GOLGA4: variants seen among roughly 807,000 people sequenced by gnomAD.
GOLGA4 encodes golgin subfamily A member 4.
GOLGA4 carries 169 observed loss-of-function variants against 265.9 expected under a neutral mutation model. The observed-to-expected ratio is 0.64, with a 90% CI of 0.56 to 0.72. The LOEUF is 0.72. Among genes scored for constraint, GOLGA4 ranks in the 30% least tolerant of loss-of-function variants. The pLI, the probability that GOLGA4 is intolerant of heterozygous loss-of-function variation, is 0.00. For missense variants in GOLGA4, 2,482 were observed against 2,483.4 expected (o/e 1.00, Z 0.01); for synonymous variants, 923 against 855.8 (o/e 1.08, Z -1.37).
Position 37,325,032 on chromosome 3 carries a change from A to G in GOLGA4, c.3146A>G (p.Lys1049Arg), listed in dbSNP as rs374102449. The change falls in exon 14 of 24, where the codon AAG (lysine) becomes AGG (arginine). Residue 1049 changes from lysine to arginine, a missense_variant. By Grantham distance (26) the Lys-to-Arg change is conservative (BLOSUM62 2). Around this residue, in one of 3 missense-constraint regions of GOLGA4, gnomAD observed 1,536 missense variants for 1,483.7 expected, o/e 1.04. Transcript: ENST00000361924. Reference sequence around the variant, plus strand: ...AATGATGTCATATCAATCTGGGAAAAGAAACTTAATCAGCAAGCTGAAGAA... The same window carrying G: ...AATGATGTCATATCAATCTGGGAAAGGAAACTTAATCAGCAAGCTGAAGAA... ...ELNDVISIWE[K>R]KLNQQAEELQ... 18 of 1,612,734 alleles carry G rather than the reference A, an allele frequency of 1.1e-5. No homozygotes were observed. The highest frequency in any genetic ancestry group is 1.4e-5 in the Non-Finnish European group (16 of 1,179,646).
At chr3:37,272,558 T>G (rs1271504719) in intron 2 of GOLGA4, among the ~76,000 whole-genome samples, 1 of 152,108 alleles carries the variant, frequency 6.6e-6, no homozygotes, top group African/African-American at 2.4e-5. Context: ...ATTAAAAAAT[T>G]TTAGCCACAA....
intron 2 of GOLGA4, chr3:37,273,702 G>A (rs2150729079): frequency 2.8e-6 from 2 of 712,540 alleles, no homozygotes; most frequent in Non-Finnish European, 5.0e-6. Flanking sequence ...AAATGGTGAT[G>A]TCCAAATATT....
chr3:37,292,324 G>A (rs370142112), intron 5 of GOLGA4, among the ~76,000 whole-genome samples: 36 of 152,232 alleles, frequency 2.4e-4, no homozygotes, highest in African/African-American at 7.7e-4. Context: ...GCCACTAACT[G>A]TTGTATTTCG....
At chr3:37,334,486 A>T (rs774134132) in intron 16 of GOLGA4, among the ~76,000 whole-genome samples, 1 of 152,098 alleles carries the variant, frequency 6.6e-6, no homozygotes, top group Non-Finnish European at 1.5e-5. Context: ...CCATCTGTTG[A>T]TTTACACAGC....
In GOLGA4 at chr3:37,308,376, G is replaced by A. The variant is rs534131237; in HGVS notation, c.1234+6044G>A. 2.0e-5 allele frequency among the ~76,000 whole-genome samples: 3 copies of A among 151,862 alleles called. No homozygotes were observed. The South Asian group carries it at 6.2e-4, about 31-fold the overall frequency. ...TAAAATGTAGTTTTCCATTGCAAAA[G>A]TGATATTTATTAAATCTCTGTGAAG... On this transcript the variant is annotated intron_variant, in intron 10 of 23. Coordinates refer to ENST00000361924, the MANE Select transcript of GOLGA4 (RefSeq NM_002078.5).
intron 5 of GOLGA4, among the ~76,000 whole-genome samples, chr3:37,289,502 G>C (rs2096859364): frequency 6.6e-6 from 1 of 152,192 alleles, no homozygotes; most frequent in Non-Finnish European, 1.5e-5. Context: ...TGAGGTGTTA[G>C]CAACAGAATA....
intron 21 of GOLGA4, among the ~76,000 whole-genome samples, chr3:37,354,449 C>G (rs1013038453): frequency 3.3e-5 from 5 of 152,008 alleles, no homozygotes; most frequent in African/African-American, 1.2e-4. Context: ...GGAGAATTTT[C>G]CAGGAGCTTA....
chr3:37,276,147 T>C (rs1317463306), intron 2 of GOLGA4: 1 of 1,605,786 alleles, frequency 6.2e-7, no homozygotes, highest in Admixed American at 1.7e-5. Context: ...GCTGCAGCTC[T>C]TCGAACAGGG....
At chr3:37,271,405 A>G (rs1267675626) in intron 2 of GOLGA4, among the ~76,000 whole-genome samples, 2 of 152,178 alleles carry the variant, frequency 1.3e-5, no homozygotes, top group African/African-American at 2.4e-5. Context: ...TCTTAGACTG[A>G]TGAAATTTGA....
intron 15 of GOLGA4, 82 bp downstream of exon 15, chr3:37,328,619 A>G: frequency 8.2e-7 from 1 of 1,221,338 alleles, no homozygotes; most frequent in Non-Finnish European, 1.1e-6. Context: ...AGTGGTGGTA[A>G]GTGCATTAAG....
intron 21 of GOLGA4, among the ~76,000 whole-genome samples, chr3:37,351,369 T>A (rs13434270): frequency 0.015 from 2,262 of 152,262 alleles, 52 homozygotes; most frequent in African/African-American, 0.052. Flanking sequence ...TCCACTGAGG[T>A]CTTGAATCCC....
chr3:37,294,813 A>G (rs1417170057), intron 5 of GOLGA4, among the ~76,000 whole-genome samples, 166 bp from the exon 6 acceptor site: 1 of 152,172 alleles, frequency 6.6e-6, no homozygotes, highest in Non-Finnish European at 1.5e-5. Context: ...TGTTGATGCA[A>G]ATGTTTTAAA....
chr3:37,351,173 A>G (rs1173210101), intron 21 of GOLGA4, among the ~76,000 whole-genome samples: 1 of 152,146 alleles, frequency 6.6e-6, no homozygotes, highest in East Asian at 1.9e-4. Context: ...TCATTTCAAC[A>G]ATGTTCACAG....
chr3:37,280,472 T>G (rs2096831846), intron 2 of GOLGA4, among the ~76,000 whole-genome samples: 1 of 152,204 alleles, frequency 6.6e-6, no homozygotes, highest in South Asian at 2.1e-4. Context: ...GTGTTTAGAC[T>G]TGGGTCTCAT....
intron 1 of GOLGA4, among the ~76,000 whole-genome samples, chr3:37,244,951 G>T (rs1402580574): frequency 2.0e-5 from 3 of 152,202 alleles, no homozygotes; most frequent in Non-Finnish European, 4.4e-5. Context: ...GGGCATGTTA[G>T]TGAATGTAAG....
chr3:37,259,824 G>A (rs537096882), intron 2 of GOLGA4, among the ~76,000 whole-genome samples: 2 of 152,146 alleles, frequency 1.3e-5, no homozygotes, highest in African/African-American at 2.4e-5. Flanking sequence ...TTTCATTGGC[G>A]ATTAAGACTA....
Position 37,323,965 on chromosome 3 carries a change from G to A in GOLGA4, c.2079G>A (p.Leu693=), listed in dbSNP as rs761884219. 4 of 1,613,292 alleles carry A rather than the reference G, an allele frequency of 2.5e-6. No individual in the cohort carries two copies. Among genetic ancestry groups the A allele is most frequent in the Admixed American group, 1.7e-5 (1 of 59,892 alleles). The part of the protein sequence containing the change: ...QTELESLSSE[L]SEVLKARHKL... ...AACTAGAATCATTATCTTCTGAACTGTCAGAAGTATTAAAAGCCCGTCACA... is the reference window on the plus strand; with the variant it reads ...AACTAGAATCATTATCTTCTGAACTATCAGAAGTATTAAAAGCCCGTCACA... Residue 693 remains leucine, a synonymous_variant, in exon 14 of 24, where the codon CTG becomes CTA. Transcript: ENST00000361924.
chr3:37,267,165 C>T (rs891323890), intron 2 of GOLGA4, among the ~76,000 whole-genome samples: 1 of 152,150 alleles, frequency 6.6e-6, no homozygotes, highest in African/African-American at 2.4e-5. Flanking sequence ...ACACTGTTTT[C>T]GCTAATGTAG....
At chr3:37,306,661 A>C (rs1271178213) in intron 10 of GOLGA4, among the ~76,000 whole-genome samples, 1 of 152,038 alleles carries the variant, frequency 6.6e-6, no homozygotes, top group African/African-American at 2.4e-5. Context: ...TGTTTTCTCT[A>C]ATTTTTTTTA....
Sources: gnomAD v4.1 joint callset for allele counts (sites outside exome capture counted in the v4.1 genomes callset) on GRCh38, gnomAD v4.1.1 for gene constraint, gnomAD v4.1.1 regional missense constraint, MANE v1.5 for transcripts, NCBI Gene and HGNC (gene_info 2026-07-23, HGNC 2026-07-21) for gene names.